The following ATG10 variants were observed in gnomAD, a reference collection of about 807,000 sequenced individuals.
ATG10 encodes the protein autophagy related 10, also known as ubiquitin-like-conjugating enzyme ATG10.
In ATG10, 30 loss-of-function variants were observed where a neutral mutation model predicts 32.1. The ratio of observed to expected loss-of-function variants is 0.94; its 90% confidence interval spans 0.70 to 1.27. The LOEUF is 1.27. Ranked by LOEUF, ATG10 falls within the 50% of genes most tolerant of loss-of-function variation. The pLI, the probability that ATG10 is intolerant of heterozygous loss-of-function variation, is 0.00. For synonymous variants in ATG10, 87 were observed against 91.5 expected, an observed-to-expected ratio of 0.95 and a Z score of 0.28; for missense variants, 233 against 262.3, an observed-to-expected ratio of 0.89 and a Z score of 0.77.
At chr5:82,056,118 A>G (rs181205163) in intron 2 of ATG10, among the ~76,000 whole-genome samples, 1 of 152,292 alleles carries the variant, frequency 6.6e-6, no homozygotes, top group East Asian at 1.9e-4. Context: ...TCTTTTATAT[A>G]ATCAACTATT....
At chr5:82,200,740 C>A (rs1446138112) in intron 5 of ATG10, among the ~76,000 whole-genome samples, 2 of 150,854 alleles carry the variant, frequency 1.3e-5, no homozygotes, top group African/African-American at 4.9e-5. Flanking sequence ...AGATATAAGT[C>A]CTTTGGCGGA....
intron 2 of ATG10, chr5:82,009,955 C>A: frequency 2.5e-6 from 4 of 1,611,662 alleles, no homozygotes; most frequent in Admixed American, 1.7e-5. Context: ...CCCTTATAAC[C>A]AAATCCTTTC....
intron 5 of ATG10, among the ~76,000 whole-genome samples, chr5:82,240,868 C>T (rs1341244483): frequency 6.6e-6 from 1 of 152,016 alleles, no homozygotes; most frequent in Non-Finnish European, 1.5e-5. Context: ...TTATATTCCA[C>T]ATTGCCAAGT....
In ATG10 at chr5:82,252,546, A is replaced by G. The variant is rs1747295197; in HGVS notation, c.454-16A>G. 1.3e-6 allele frequency: 2 copies of G among 1,529,832 alleles called. No homozygotes were observed. The highest frequency in any genetic ancestry group is 1.8e-6 in the Non-Finnish European group (2 of 1,106,624). 94.8% of individuals were successfully genotyped at this position (1,529,832 alleles called of 1,614,324 possible). ...AGTAACTCACACTGATCCTGGACCA[A>G]TTCTGATTCTTACAGGAACATCCAA... On this transcript the variant is annotated splice_polypyrimidine_tract_variant and intron_variant, in intron 5 of 7. Coordinates refer to ENST00000282185, the MANE Select transcript of ATG10 (RefSeq NM_031482.5).
intron 4 of ATG10, among the ~76,000 whole-genome samples, chr5:82,175,655 C>T (rs2149918378): frequency 6.6e-6 from 1 of 152,232 alleles, no homozygotes; most frequent in Non-Finnish European, 1.5e-5. Flanking sequence ...TGATCCCCTA[C>T]CCAGCCCTGG....
intron 5 of ATG10, among the ~76,000 whole-genome samples, chr5:82,200,643 A>G (rs1745033293): frequency 6.7e-6 from 1 of 149,992 alleles, no homozygotes. Context: ...ACTCTCAGCT[A>G]TTTGCCCATT....
chr5:82,064,374 T>C (rs1763875942), intron 3 of ATG10, among the ~76,000 whole-genome samples: 1 of 152,080 alleles, frequency 6.6e-6, no homozygotes, highest in Non-Finnish European at 1.5e-5. Flanking sequence ...TTCTTCTAAA[T>C]TAGTTGTATT....
chr5:82,162,358 A>G (rs1045925266), intron 3 of ATG10, among the ~76,000 whole-genome samples: 9 of 152,198 alleles, frequency 5.9e-5, no homozygotes, highest in African/African-American at 2.2e-4. Flanking sequence ...TTAAAAATTC[A>G]TCAACAGGCA....
At chr5:82,227,619 G>A (rs187320980) in intron 5 of ATG10, among the ~76,000 whole-genome samples, 195 of 152,062 alleles carry the variant, frequency 1.3e-3, no homozygotes, top group African/African-American at 4.4e-3. Context: ...CAGGTGATCC[G>A]CCTGCCTCGG....
rs150875085 is a variant in ATG10 at position 82,103,519 on chromosome 5, A to G, written c.216+44917A>G. ...TTACCTGGGGCTTGTTAACAGGTCT[A>G]TTTCTTGTCTTACCTCCTGCCTGCT... On this transcript the variant is annotated intron_variant, in intron 3 of 7. Transcript: ENST00000282185. 2.5e-4 allele frequency among the ~76,000 whole-genome samples: 38 copies of G among 152,134 alleles called. No homozygotes were observed. In the East Asian group the frequency reaches 5.8e-3, roughly 23 times the overall value.
intron 5 of ATG10, among the ~76,000 whole-genome samples, chr5:82,245,046 T>C (rs1746968191): frequency 6.6e-6 from 1 of 152,214 alleles, no homozygotes; most frequent in Non-Finnish European, 1.5e-5. Flanking sequence ...AGTTCATTAC[T>C]ACTGACAGCA....
chr5:82,079,486 A>C (rs1764397226), intron 3 of ATG10, among the ~76,000 whole-genome samples: 1 of 151,906 alleles, frequency 6.6e-6, no homozygotes, highest in African/African-American at 2.4e-5. Context: ...CATTTACATT[A>C]GGTATATCTC....
chr5:82,094,487 A>G (rs570666711), intron 3 of ATG10, among the ~76,000 whole-genome samples: 8 of 152,246 alleles, frequency 5.3e-5, no homozygotes, highest in East Asian at 1.9e-4. Flanking sequence ...AATTGTTACA[A>G]TCTTTCTGGA....
In ATG10 at chr5:82,207,875, A is replaced by G. The variant is rs549237165; in HGVS notation, c.453+29288A>G. Among the ~76,000 whole-genome samples, 23 of 152,322 alleles carry G rather than the reference A, an allele frequency of 1.5e-4. No homozygotes were observed. The South Asian group carries it at 4.8e-3, about 32-fold the overall frequency. ...AGCTGGATTTTTCATTTTAACTGTAATAAATTAAAATAGCTACATGTGACT... is the reference window on the plus strand; with the variant it reads ...AGCTGGATTTTTCATTTTAACTGTAGTAAATTAAAATAGCTACATGTGACT... On this transcript the variant is annotated intron_variant, in intron 5 of 7. Coordinates refer to ENST00000282185, the MANE Select transcript of ATG10 (RefSeq NM_031482.5).
intron 5 of ATG10, among the ~76,000 whole-genome samples, chr5:82,184,072 A>G (rs1744353529): frequency 6.6e-6 from 1 of 152,086 alleles, no homozygotes; most frequent in East Asian, 1.9e-4. Context: ...GACTTGTTGG[A>G]GTCAGCCAAG....
intron 2 of ATG10, among the ~76,000 whole-genome samples, chr5:81,994,258 C>T (rs72776817): frequency 0.027 from 4,035 of 152,216 alleles, 78 homozygotes; most frequent in Middle Eastern, 0.044. Flanking sequence ...TTCCAGGCCC[C>T]GCATTGTGGC....
At chr5:82,062,596 C>G (rs902295297) in intron 3 of ATG10, among the ~76,000 whole-genome samples, 1 of 152,098 alleles carries the variant, frequency 6.6e-6, no homozygotes, top group African/African-American at 2.4e-5. Flanking sequence ...TTATGGTTAT[C>G]TCATAATTAT....
At chr5:82,024,821 A>G (rs1581610001) in intron 2 of ATG10, among the ~76,000 whole-genome samples, 1 of 152,250 alleles carries the variant, frequency 6.6e-6, no homozygotes, top group Non-Finnish European at 1.5e-5. Context: ...GGGCAGGTCC[A>G]TATGCTGTAG....
intron 5 of ATG10, among the ~76,000 whole-genome samples, chr5:82,221,965 T>C (rs930850416): frequency 4.6e-5 from 7 of 152,334 alleles, no homozygotes; most frequent in Admixed American, 4.6e-4. Context: ...AAATCTTGTA[T>C]CGGAGTTGCA....
Sources: allele counts gnomAD v4.1 joint callset (sites outside exome capture counted in the v4.1 genomes callset), GRCh38; gene constraint gnomAD v4.1.1; transcripts MANE v1.5; gene names NCBI Gene and HGNC (gene_info 2026-07-23, HGNC 2026-07-21).